Variants in QTMAN observed in about 807,000 individuals in gnomAD.
The protein encoded by QTMAN is queuosine-tRNA mannosyltransferase.
At chr2:144,242,626 C>T in the QTMAN span, among the ~76,000 whole-genome samples, 1 of 151,966 alleles carries the variant, frequency 6.6e-6, no homozygotes, top group African/African-American at 2.4e-5. Context: ...GTGAAATTCC[C>T]GAAAGTCAAT....
At chr2:144,194,567 T>C in the QTMAN span, among the ~76,000 whole-genome samples, 2 of 152,224 alleles carry the variant, frequency 1.3e-5, no homozygotes, top group Non-Finnish European at 2.9e-5. Flanking sequence ...ATTTGTGGTT[T>C]GGAGTTGTGA....
the QTMAN span, among the ~76,000 whole-genome samples, chr2:144,301,667 A>G: frequency 6.6e-6 from 1 of 152,254 alleles, no homozygotes; most frequent in African/African-American, 2.4e-5. Flanking sequence ...GATCATGTAC[A>G]AAATACAGCC....
At chr2:144,109,520 G>A in the QTMAN span, among the ~76,000 whole-genome samples, 1 of 152,112 alleles carries the variant, frequency 6.6e-6, no homozygotes, top group Non-Finnish European at 1.5e-5. Context: ...CAAAAGCAAT[G>A]GCAACAAAAG....
At chr2:144,287,778 A>G in the QTMAN span, among the ~76,000 whole-genome samples, 4 of 152,198 alleles carry the variant, frequency 2.6e-5, no homozygotes, top group African/African-American at 9.6e-5. Flanking sequence ...GTATATGTAC[A>G]CTAGGTTATT....
At chr2:144,082,214 C>T in the QTMAN span, among the ~76,000 whole-genome samples, 3 of 152,176 alleles carry the variant, frequency 2.0e-5, no homozygotes, top group Admixed American at 2.0e-4. Flanking sequence ...ATTTTTAAAA[C>T]ACAACAAAAA....
At chr2:144,101,111 G>A in the QTMAN span, among the ~76,000 whole-genome samples, 3 of 151,832 alleles carry the variant, frequency 2.0e-5, no homozygotes, top group South Asian at 2.1e-4. Context: ...CTCGTGATCC[G>A]CCCGCCTTGG....
At chr2:144,148,157 T>G in the QTMAN span, among the ~76,000 whole-genome samples, 1 of 151,776 alleles carries the variant, frequency 6.6e-6, no homozygotes, top group Non-Finnish European at 1.5e-5. Context: ...ATACAATAAT[T>G]TTATTGCAGT....
At chr2:144,054,570 A>G in the QTMAN span, among the ~76,000 whole-genome samples, 2 of 152,178 alleles carry the variant, frequency 1.3e-5, no homozygotes, top group Admixed American at 6.5e-5. Context: ...TGTTAAAGAG[A>G]TGTGATTTAG....
At chr2:143,965,548 G>A in the QTMAN span, among the ~76,000 whole-genome samples, 1 of 152,158 alleles carries the variant, frequency 6.6e-6, no homozygotes, top group Admixed American at 6.5e-5. Flanking sequence ...CTGGTTTGCT[G>A]AGTTCAATTC....
chr2:144,077,083 T>C, the QTMAN span, among the ~76,000 whole-genome samples: 7 of 151,364 alleles, frequency 4.6e-5, no homozygotes, highest in African/African-American at 1.5e-4. Context: ...AAGAATCCTA[T>C]ATATTTACAA....
the QTMAN span, among the ~76,000 whole-genome samples, chr2:144,235,247 A>C: frequency 6.6e-6 from 1 of 152,146 alleles, no homozygotes. Context: ...GCCAGGCAAT[A>C]GACTGATTTT....
the QTMAN span, among the ~76,000 whole-genome samples, chr2:144,307,630 T>C: frequency 1.3e-5 from 2 of 152,240 alleles, no homozygotes; most frequent in Non-Finnish European, 2.9e-5. Context: ...TCAAAAGCAT[T>C]AATGATTACA....
the QTMAN span, among the ~76,000 whole-genome samples, chr2:144,249,901 C>T: frequency 6.6e-6 from 1 of 152,086 alleles, no homozygotes; most frequent in African/African-American, 2.4e-5. Context: ...AATATATCCT[C>T]TACAGTAAGC....
chr2:144,228,164 T>C, the QTMAN span, among the ~76,000 whole-genome samples: 1 of 152,170 alleles, frequency 6.6e-6, no homozygotes, highest in South Asian at 2.1e-4. Flanking sequence ...CTGATTCTTA[T>C]GAGACAAATA....
At chr2:144,322,815 A>C in the QTMAN span, among the ~76,000 whole-genome samples, 1 of 152,180 alleles carries the variant, frequency 6.6e-6, no homozygotes. Context: ...TAATTTTGTA[A>C]CACTGGTCCC....
At chr2:144,149,448 G>C in the QTMAN span, among the ~76,000 whole-genome samples, 1 of 151,968 alleles carries the variant, frequency 6.6e-6, no homozygotes, top group Non-Finnish European at 1.5e-5. Flanking sequence ...GTATAAGCTG[G>C]ATTAGTACTT....
At chr2:144,198,518 T>C in the QTMAN span, among the ~76,000 whole-genome samples, 3 of 152,118 alleles carry the variant, frequency 2.0e-5, no homozygotes, top group Non-Finnish European at 4.4e-5. Flanking sequence ...GAGTGATCCA[T>C]ATGGTAAGAG....
the QTMAN span, among the ~76,000 whole-genome samples, chr2:144,324,673 T>A: frequency 6.6e-6 from 1 of 152,172 alleles, no homozygotes; most frequent in Non-Finnish European, 1.5e-5. Flanking sequence ...CATACCCACC[T>A]ACCCAAGGTA....
At chr2:144,133,411 TTA>T in the QTMAN span, among the ~76,000 whole-genome samples, 2 of 56,044 alleles carry the variant, frequency 3.6e-5, no homozygotes, top group Non-Finnish European at 5.7e-5. Context: ...ATATAATATA[TTA>T]TATATAATAT....
Sources: gnomAD v4.1 joint callset for allele counts (sites outside exome capture counted in the v4.1 genomes callset) on GRCh38, gnomAD v4.1.1 for gene constraint, MANE v1.5 for transcripts, NCBI Gene and HGNC (gene_info 2026-07-23, HGNC 2026-07-21) for gene names.